The following ADGRL3 variants were observed in gnomAD, a reference collection of about 807,000 sequenced individuals.
ADGRL3 encodes calcium-independent alpha-latrotoxin receptor 3.
A neutral mutation model predicts 153.5 loss-of-function variants in ADGRL3; 62 were observed. That is an observed-to-expected ratio of 0.40 (90% confidence interval 0.33 to 0.50). The LOEUF is 0.50. Ranked by LOEUF, ADGRL3 falls within the 20% of genes least tolerant of loss-of-function variation. The pLI is 0.47. For missense variants in ADGRL3, 1,641 were observed against 1,859.4 expected (o/e 0.88, Z 2.16); for synonymous variants, 710 against 672.5 (o/e 1.06, Z -0.86).
chr4:61,679,116 C>A (rs556212675), intron 6 of ADGRL3, among the ~76,000 whole-genome samples: 2 of 152,148 alleles, frequency 1.3e-5, no homozygotes, highest in Non-Finnish European at 2.9e-5. Context: ...GCACCAGCAT[C>A]TACTCGGCTT....
intron 4 of ADGRL3, among the ~76,000 whole-genome samples, chr4:61,527,122 A>T (rs879805839): frequency 3.3e-5 from 5 of 152,046 alleles, no homozygotes; most frequent in Non-Finnish European, 5.9e-5. Flanking sequence ...TACTTTCGTA[A>T]TTTAAAAATA....
chr4:61,511,321 A>T (rs747318917), intron 3 of ADGRL3, among the ~76,000 whole-genome samples: 1 of 152,210 alleles, frequency 6.6e-6, no homozygotes, highest in Non-Finnish European at 1.5e-5. Flanking sequence ...GTGAGCCGAG[A>T]TCACGTGCCA....
chr4:61,805,832 T>C (rs1367070024), intron 8 of ADGRL3, among the ~76,000 whole-genome samples: 1 of 152,210 alleles, frequency 6.6e-6, no homozygotes, highest in Non-Finnish European at 1.5e-5. Flanking sequence ...TGAATTGTTA[T>C]ATCCTTCATT....
At chr4:61,745,285 G>C (rs1038999704) in intron 8 of ADGRL3, among the ~76,000 whole-genome samples, 4 of 152,330 alleles carry the variant, frequency 2.6e-5, no homozygotes, top group Admixed American at 2.6e-4. Context: ...AAAACACTCT[G>C]CAGGATATTA....
chr4:62,040,077 A>G (rs569496775), intron 24 of ADGRL3, among the ~76,000 whole-genome samples: 4 of 152,232 alleles, frequency 2.6e-5, no homozygotes, highest in African/African-American at 9.6e-5. Context: ...CGTACCAGCT[A>G]TGACACAGAA....
At chr4:61,397,195 T>G (rs1159280519) in intron 2 of ADGRL3, among the ~76,000 whole-genome samples, 1 of 151,952 alleles carries the variant, frequency 6.6e-6, no homozygotes, top group Admixed American at 6.6e-5. Context: ...AAACTTTTTT[T>G]CTTGCAGATT....
intron 2 of ADGRL3, among the ~76,000 whole-genome samples, chr4:61,383,982 T>C (rs1019048320): frequency 1.3e-5 from 2 of 151,862 alleles, no homozygotes; most frequent in African/African-American, 4.8e-5. Flanking sequence ...ATTTGAAATA[T>C]CAACTTTCTT....
intron 3 of ADGRL3, among the ~76,000 whole-genome samples, chr4:61,500,029 CAGAGAGAGAGAG>C (rs10673228): frequency 8.5e-5 from 12 of 140,558 alleles, no homozygotes; most frequent in Non-Finnish European, 1.2e-4. Flanking sequence ...CACACAGAAA[CAGAGAGAGAGAG>C]AGAGAGAGAG....
chr4:61,638,063 C>G (rs1381009006), intron 5 of ADGRL3, among the ~76,000 whole-genome samples: 5 of 152,038 alleles, frequency 3.3e-5, no homozygotes, highest in South Asian at 2.1e-4. Context: ...AAATGAAAAC[C>G]TTCATCCACA....
At chr4:61,615,914 C>T (rs1462872676) in intron 5 of ADGRL3, among the ~76,000 whole-genome samples, 1 of 151,996 alleles carries the variant, frequency 6.6e-6, no homozygotes, top group Non-Finnish European at 1.5e-5. Context: ...CTTAGAGACA[C>T]CTTGAGATAA....
At chr4:61,251,118 C>A (rs914525539) in intron 1 of ADGRL3, among the ~76,000 whole-genome samples, 2 of 152,150 alleles carry the variant, frequency 1.3e-5, no homozygotes, top group African/African-American at 4.8e-5. Context: ...AGAATTTGGA[C>A]AGGGCAGTGA....
At chr4:61,713,754 T>C (rs1053217061) in intron 6 of ADGRL3, among the ~76,000 whole-genome samples, 3 of 152,166 alleles carry the variant, frequency 2.0e-5, no homozygotes, top group Admixed American at 6.5e-5. Flanking sequence ...TTTTATTTAA[T>C]AATTTCTTAC....
intron 1 of ADGRL3, among the ~76,000 whole-genome samples, chr4:61,270,529 C>T (rs2093109883): frequency 6.6e-6 from 1 of 151,566 alleles, no homozygotes; most frequent in African/African-American, 2.4e-5. Flanking sequence ...CAAAAAAGGT[C>T]CTAATCATAT....
intron 9 of ADGRL3, among the ~76,000 whole-genome samples, chr4:61,844,585 T>TATAC (rs1422716498): frequency 2.0e-5 from 2 of 102,190 alleles, no homozygotes; most frequent in Non-Finnish European, 3.7e-5. Context: ...AATATATATA[T>TATAC]ATATATATAT....
chr4:61,776,429 A>G (rs949940743), intron 8 of ADGRL3, among the ~76,000 whole-genome samples: 3 of 152,208 alleles, frequency 2.0e-5, no homozygotes, highest in African/African-American at 7.2e-5. Flanking sequence ...TCAGGACAGA[A>G]TTCACATAAG....
At chr4:61,847,993 TATAATATAA>T (rs2098152248) in intron 9 of ADGRL3, among the ~76,000 whole-genome samples, 1 of 16,066 alleles carries the variant, frequency 6.2e-5, no homozygotes, top group African/African-American at 2.1e-4. Flanking sequence ...ATATTATATA[TATAATATAA>T]AATATATTAT....
At chr4:62,017,271 A>G (rs1050909771) in intron 21 of ADGRL3, among the ~76,000 whole-genome samples, 2 of 151,958 alleles carry the variant, frequency 1.3e-5, no homozygotes, top group Non-Finnish European at 2.9e-5. Context: ...TTAAAAATAC[A>G]CATATTGAAG....
chr4:61,952,671 A>C (rs902627365), intron 17 of ADGRL3, among the ~76,000 whole-genome samples: 1 of 152,140 alleles, frequency 6.6e-6, no homozygotes, highest in Non-Finnish European at 1.5e-5. Flanking sequence ...TCAGAGCATC[A>C]CAAATTGATC....
intron 8 of ADGRL3, among the ~76,000 whole-genome samples, chr4:61,735,785 TA>T (rs1199808099): frequency 6.6e-6 from 1 of 152,192 alleles, no homozygotes; most frequent in Non-Finnish European, 1.5e-5. Context: ...TTATTTAGAA[TA>T]ATAGATAGGT....
Sources: allele counts gnomAD v4.1 joint callset (sites outside exome capture counted in the v4.1 genomes callset), GRCh38; gene constraint gnomAD v4.1.1; transcripts MANE v1.5; gene names NCBI Gene and HGNC (gene_info 2026-07-23, HGNC 2026-07-21).